Variants in CFAP92 observed in about 807,000 individuals in gnomAD.
CFAP92 encodes cilia and flagella associated protein 92 (putative), also known as uncharacterized protein CFAP92.
In CFAP92, 86 loss-of-function variants were observed where a neutral mutation model predicts 106.3. The observed-to-expected ratio is 0.81, with a 90% CI of 0.68 to 0.97. CFAP92 has a LOEUF of 0.97. CFAP92 is among the 50% of genes least tolerant of loss of function. The probability of loss-of-function intolerance (pLI) is 0.00; values close to 1 mark genes in which losing one functional copy is unlikely to be tolerated. For missense variants in CFAP92, 1,204 were observed against 1,283.8 expected (o/e 0.94, Z 0.95); for synonymous variants, 477 against 506.4 (o/e 0.94, Z 0.78).
chr3:128,912,365 T>TG (rs1386756253), intron 15 of CFAP92: 1 of 713,846 alleles, frequency 1.4e-6, no homozygotes, highest in Non-Finnish European at 2.5e-6. Context: ...AATCACTTGC[T>TG]GGGGGTCTGG....
intron 4 of CFAP92, among the ~76,000 whole-genome samples, chr3:128,986,172 C>T (rs1003075764): frequency 2.0e-5 from 3 of 151,880 alleles, no homozygotes; most frequent in Admixed American, 6.6e-5. Context: ...TAATTATACT[C>T]GTCTGGAAGG....
At chr3:128,979,923 G>A (rs2107797782) in intron 4 of CFAP92, among the ~76,000 whole-genome samples, 1 of 133,640 alleles carries the variant, frequency 7.5e-6, no homozygotes, top group East Asian at 2.2e-4. Flanking sequence ...TTGTGCACAT[G>A]TACCCTAAAA....
chr3:128,956,207 T>TAAAAAAAAAAAAAAAAAAAAAA (rs1256391409), intron 9 of CFAP92, among the ~76,000 whole-genome samples: 8 of 53,200 alleles, frequency 1.5e-4, no homozygotes, highest in Non-Finnish European at 2.0e-4. Flanking sequence ...AAAAAAAAAA[T>TAAAAAAAAAAAAAAAAAAAAAA]AAAAAAATAA....
chr3:128,946,847 A>T (rs1199669251), intron 9 of CFAP92, among the ~76,000 whole-genome samples: 3 of 152,238 alleles, frequency 2.0e-5, no homozygotes, highest in African/African-American at 7.2e-5. Context: ...CCAAGGCATA[A>T]GATATTAGAA....
chr3:128,993,633 G>A (rs1944355249), intron 1 of CFAP92: 1 of 378,150 alleles, frequency 2.6e-6, no homozygotes, highest in Non-Finnish European at 5.0e-6. Context: ...GCCTGCCCCA[G>A]GTGAGCAGCT....
At chr3:128,972,322 A>G (rs929216331) in intron 7 of CFAP92, among the ~76,000 whole-genome samples, 28 of 151,950 alleles carry the variant, frequency 1.8e-4, no homozygotes, top group Non-Finnish European at 2.9e-5. Flanking sequence ...GCTCATTGCA[A>G]CCTCTGCCTC....
the CFAP92 span, among the ~76,000 whole-genome samples, chr3:129,016,542 G>C: frequency 1.3e-5 from 2 of 149,384 alleles, no homozygotes; most frequent in South Asian, 2.3e-4. Context: ...CCGTGCCCGT[G>C]AGCTCCACCT....
Position 128,964,865 on chromosome 3 carries a change from G to A in CFAP92, c.1353+646C>T, listed in dbSNP as rs577874633. Among the ~76,000 whole-genome samples the A allele has an allele frequency of 6.4e-4, 97 of 151,692 alleles. 1 individual carries two copies. In the South Asian group the frequency reaches 7.7e-3, roughly 12 times the overall value. ...GAAGCAGCCCTGAGAAACATCGCCC[G>A]TTCTCTCTCCACACCACCCCCCAAA... On this transcript the variant is annotated intron_variant, in intron 9 of 15. Coordinates refer to ENST00000645291, the MANE Select transcript of CFAP92 (RefSeq NM_001394090.1).
At chr3:129,015,735 C>A in the CFAP92 span, among the ~76,000 whole-genome samples, 1 of 152,012 alleles carries the variant, frequency 6.6e-6, no homozygotes, top group African/African-American at 2.4e-5. Context: ...ACTGTCCCCC[C>A]ACCCCTTGTG....
At chr3:128,991,776 C>T in intron 2 of CFAP92, 7 of 999,656 alleles carry the variant, frequency 7.0e-6, no homozygotes, top group Non-Finnish European at 8.3e-6. Context: ...CCAACCCATA[C>T]AAGAAACTTA....
chr3:128,926,075 CTG>C (rs201376532), intron 12 of CFAP92, among the ~76,000 whole-genome samples: 4 of 152,190 alleles, frequency 2.6e-5, no homozygotes, highest in East Asian at 3.8e-4. Flanking sequence ...AAGTAAAACA[CTG>C]TCAATTAGAA....
chr3:128,941,687 G>A (rs1466675194), intron 10 of CFAP92, among the ~76,000 whole-genome samples: 2 of 152,126 alleles, frequency 1.3e-5, no homozygotes, highest in Non-Finnish European at 2.9e-5. Context: ...ATGTTGGCCA[G>A]GCTGGTCTCA....
chr3:128,997,647 C>A (rs1345430486), upstream of CFAP92, among the ~76,000 whole-genome samples: 2 of 152,228 alleles, frequency 1.3e-5, no homozygotes, highest in African/African-American at 2.4e-5. Context: ...GTATTTCATT[C>A]CTTTTCATGA....
At chr3:129,015,933 C>T in the CFAP92 span, among the ~76,000 whole-genome samples, 2 of 152,224 alleles carry the variant, frequency 1.3e-5, no homozygotes, top group African/African-American at 4.8e-5. Context: ...GGTGCTGCAG[C>T]GTGGCCGTGG....
intron 10 of CFAP92, among the ~76,000 whole-genome samples, chr3:128,943,955 G>A (rs1939943839): frequency 7.2e-6 from 1 of 138,396 alleles, no homozygotes. Context: ...TTTGAGACAG[G>A]GTCTGGCTCT....
chr3:128,927,714 ACT>A (rs1412985484), intron 12 of CFAP92, among the ~76,000 whole-genome samples: 1 of 141,144 alleles, frequency 7.1e-6, no homozygotes, highest in Admixed American at 7.0e-5. Context: ...ACTGAGCAAG[ACT>A]CTGTCTCAAA....
the CFAP92 span, among the ~76,000 whole-genome samples, chr3:129,022,624 G>A: frequency 3.9e-5 from 6 of 152,318 alleles, no homozygotes; most frequent in South Asian, 2.1e-4. Context: ...ACACCCAACC[G>A]CACACAAGGA....
rs928773381 is a variant in CFAP92, at chr3:128,915,415, C to T, written c.3065G>A (p.Ser1022Asn). ...ATCCTGAAAGCTGCTTTCGGTGTCG[C>T]TCTGAAGACCTGTCACTTGGAATCC... ...ARGFQVTGLQ[S>N]DTESSFQDLK... Residue 1022 changes from serine (S) to asparagine (N), a missense_variant, in exon 14 of 16, where the codon AGC becomes AAC. Physicochemically the swap from Ser to Asn is conservative, Grantham distance 46. Transcript: ENST00000645291. 2.6e-6 allele frequency: 4 copies of T among 1,536,012 alleles called. No homozygotes were observed. The highest frequency in any genetic ancestry group is 1.7e-4 in the Middle Eastern group (1 of 6,012).
chr3:128,911,233 T>C (rs895896879), intron 15 of CFAP92, among the ~76,000 whole-genome samples: 3 of 152,048 alleles, frequency 2.0e-5, no homozygotes, highest in African/African-American at 7.3e-5. Context: ...ATTTTTTGTA[T>C]TTTTAGTAGA....
Sources: allele counts gnomAD v4.1 joint callset (sites outside exome capture counted in the v4.1 genomes callset), GRCh38; gene constraint gnomAD v4.1.1; transcripts MANE v1.5; gene names NCBI Gene and HGNC (gene_info 2026-07-23, HGNC 2026-07-21).